LRP2: variants seen among roughly 807,000 people sequenced by gnomAD.
LRP2 encodes low-density lipoprotein receptor-related protein 2.
In LRP2, 172 loss-of-function variants were observed where a neutral mutation model predicts 531.0. The observed-to-expected ratio is 0.32, with a 90% CI of 0.29 to 0.37. LRP2 has a LOEUF of 0.37. LRP2 is among the 10% of genes least tolerant of loss of function. LRP2 has a pLI of 1.00. For synonymous variants in LRP2, 1,992 were observed against 2,027.6 expected (o/e 0.98, Z 0.47); for missense variants, 5,167 against 5,868.3 (o/e 0.88, Z 3.90).
At chr2:169,308,334 A>G (rs1298006619) in intron 3 of LRP2, among the ~76,000 whole-genome samples, 1 of 151,912 alleles carries the variant, frequency 6.6e-6, no homozygotes, top group Non-Finnish European at 1.5e-5. Flanking sequence ...TTAACTAGTC[A>G]TTTACGTTAG....
intron 67 of LRP2, among the ~76,000 whole-genome samples, chr2:169,152,399 G>A (rs1686175774): frequency 6.6e-6 from 1 of 152,200 alleles, no homozygotes; most frequent in African/African-American, 2.4e-5. Context: ...GGAGAATTGT[G>A]AGGCTGTCCC....
At chr2:169,199,989 G>T (rs897774995) in intron 44 of LRP2, among the ~76,000 whole-genome samples, 16 of 152,132 alleles carry the variant, frequency 1.1e-4, no homozygotes, top group Admixed American at 1.0e-3. Context: ...AGTGGCTCAC[G>T]CCTGTAATCC....
intron 16 of LRP2, among the ~76,000 whole-genome samples, chr2:169,263,087 T>A (rs1690637878): frequency 1.3e-5 from 2 of 152,162 alleles, no homozygotes; most frequent in East Asian, 1.9e-4. Context: ...CTTATACAAA[T>A]ATCAATTCAA....
In LRP2 at chr2:169,188,185, G is replaced by T; in HGVS notation, c.9113C>A (p.Thr3038Asn). 1 of 1,614,094 alleles carries T rather than the reference G, an allele frequency of 6.2e-7. No individual in the cohort carries two copies. The highest frequency in any genetic ancestry group is 8.5e-7 in the Non-Finnish European group (1 of 1,180,022). Reference protein sequence around the residue: ...LYQTCQQNQFTCQNGRCISKT... With the variant: ...LYQTCQQNQFNCQNGRCISKT... The stretch of plus-strand genomic sequence containing the variant: ...ACTAATGCAGCGCCCGTTCTGACAG[G>T]TAAACTGATTCTGTTGGCAAGTCTG... Residue 3038 changes from threonine (T) to asparagine (N), a missense_variant, in exon 49 of 79, where the codon ACC (threonine) becomes AAC (asparagine). Thr to Asn is a moderately conservative substitution (Grantham distance 65). Around this residue, in one of 6 missense-constraint regions of LRP2, gnomAD observed 1,129 missense variants for 1,362.7 expected, o/e 0.83. Transcript: ENST00000649046.
At chr2:169,335,381 T>C (rs1685376399) in intron 1 of LRP2, among the ~76,000 whole-genome samples, 1 of 152,232 alleles carries the variant, frequency 6.6e-6, no homozygotes, top group African/African-American at 2.4e-5. Flanking sequence ...ATACTGTACA[T>C]TAAACTTGGA....
At chr2:169,202,393 A>G (rs1172649710) in intron 43 of LRP2, among the ~76,000 whole-genome samples, 4 of 152,214 alleles carry the variant, frequency 2.6e-5, no homozygotes, top group Non-Finnish European at 5.9e-5. Flanking sequence ...AGCTAGACTT[A>G]GCTTGCACCA....
At chr2:169,129,235 G>T in intron 77 of LRP2, 151 bp from the exon 78 acceptor site, 1 of 677,764 alleles carries the variant, frequency 1.5e-6, no homozygotes, top group Admixed American at 2.4e-5. Flanking sequence ...ATGGTAAATT[G>T]TTCAATTCCT....
intron 3 of LRP2, among the ~76,000 whole-genome samples, chr2:169,311,428 T>A (rs1232014444): frequency 6.6e-6 from 1 of 152,234 alleles, no homozygotes; most frequent in Non-Finnish European, 1.5e-5. Context: ...TCAAAGAACA[T>A]CTTTATTTCT....
At chr2:169,294,514 T>C (rs1054669528) in intron 5 of LRP2, 86 bp downstream of exon 5, 6 of 990,582 alleles carry the variant, frequency 6.1e-6, no homozygotes, top group Non-Finnish European at 9.6e-6. Context: ...GAACCTGAAC[T>C]TGGGAAGAGA....
At chr2:169,304,442 G>A (rs1049622630) in intron 4 of LRP2, among the ~76,000 whole-genome samples, 3 of 152,034 alleles carry the variant, frequency 2.0e-5, no homozygotes, top group African/African-American at 7.2e-5. Flanking sequence ...TCCTCATAAA[G>A]GAACCTAATA....
At chr2:169,289,183 C>G in intron 8 of LRP2, 38 bp from the exon 9 acceptor site, 2 of 1,612,836 alleles carry the variant, frequency 1.2e-6, no homozygotes, top group South Asian at 2.2e-5. Context: ...TGAATGGTGA[C>G]CTCTGGACAA....
At chr2:169,150,772 C>T (rs1686088756) in intron 68 of LRP2, 126 bp downstream of exon 68, 20 of 1,082,800 alleles carry the variant, frequency 1.8e-5, no homozygotes, top group South Asian at 2.7e-5. Flanking sequence ...CAGTCATAGA[C>T]GCTACTCCCA....
intron 75 of LRP2, among the ~76,000 whole-genome samples, chr2:169,138,062 G>A (rs1685584051): frequency 6.6e-6 from 1 of 152,118 alleles, no homozygotes; most frequent in Admixed American, 6.5e-5. Context: ...TTTACAAATA[G>A]GGACAATGAG....
chr2:169,173,821 G>A, intron 56 of LRP2, 98 bp downstream of exon 56: 1 of 1,532,604 alleles, frequency 6.5e-7, no homozygotes. Context: ...CATCCCATCA[G>A]CTGAAAAAGA....
intron 31 of LRP2, 43 bp downstream of exon 31, chr2:169,231,671 G>T (rs1181229644): frequency 1.2e-6 from 2 of 1,612,126 alleles, no homozygotes; most frequent in South Asian, 1.1e-5. Context: ...CACAAACTAT[G>T]ACCAGCTCCA....
At chr2:169,313,573 C>G (rs1463254167) in intron 3 of LRP2, among the ~76,000 whole-genome samples, 5 of 152,174 alleles carry the variant, frequency 3.3e-5, no homozygotes, top group Non-Finnish European at 7.3e-5. Flanking sequence ...CCTCTGGAAG[C>G]TTCGTCTCAG....
At chr2:169,221,245 G>A (rs1688983442) in intron 33 of LRP2, among the ~76,000 whole-genome samples, 1 of 152,126 alleles carries the variant, frequency 6.6e-6, no homozygotes, top group African/African-American at 2.4e-5. Flanking sequence ...AACTTCTATT[G>A]TTTAATTGGT....
chr2:169,344,320 C>G (rs1685642809), intron 1 of LRP2, among the ~76,000 whole-genome samples: 1 of 151,000 alleles, frequency 6.6e-6, no homozygotes, highest in South Asian at 2.1e-4. Context: ...CTCCCTGTGT[C>G]CATGTGTTCT....
At position 169,289,157 on chromosome 2, in the gene LRP2, A is replaced by C. The variant is rs199809584; in HGVS notation, c.923-12T>G. On this transcript the variant is annotated splice_polypyrimidine_tract_variant and intron_variant, in intron 8 of 78. Transcript: ENST00000649046. ...GCACAGAGTCATACCTAAACGAAGAAAAGAACTTTGTTAAATGAATGGTGA... is the reference window on the plus strand; with the variant it reads ...GCACAGAGTCATACCTAAACGAAGACAAGAACTTTGTTAAATGAATGGTGA... The C allele has an allele frequency of 6.2e-7, 1 of 1,613,934 alleles. No individual in the cohort carries two copies. The highest frequency in any genetic ancestry group is 8.5e-7 in the Non-Finnish European group (1 of 1,179,858).
Sources: gnomAD v4.1 joint callset for allele counts (sites outside exome capture counted in the v4.1 genomes callset) on GRCh38, gnomAD v4.1.1 for gene constraint, gnomAD v4.1.1 regional missense constraint, MANE v1.5 for transcripts, NCBI Gene and HGNC (gene_info 2026-07-23, HGNC 2026-07-21) for gene names.